PIBF1: variants seen among roughly 807,000 people sequenced by gnomAD.
The protein encoded by PIBF1 is progesterone-induced-blocking factor 1.
A neutral mutation model predicts 112.5 loss-of-function variants in PIBF1; 90 were observed. The observed-to-expected ratio is 0.80, with a 90% CI of 0.67 to 0.95. The LOEUF (loss-of-function observed/expected upper bound fraction) is 0.95. PIBF1 is among the 40% of genes least tolerant of loss of function. The pLI, the probability that PIBF1 is intolerant of heterozygous loss-of-function variation, is 0.00. For synonymous variants in PIBF1, 301 were observed against 288.6 expected (o/e 1.04, Z -0.44); for missense variants, 915 against 852.3 (o/e 1.07, Z -0.92).
intron 16 of PIBF1, among the ~76,000 whole-genome samples, chr13:72,987,899 T>G: frequency 7.2e-6 from 1 of 138,128 alleles, no homozygotes; most frequent in Non-Finnish European, 1.5e-5. Context: ...AGTCTCGCTC[T>G]GTCGCCAGAC....
chr13:73,014,251 C>G (rs1210673378), intron 17 of PIBF1, among the ~76,000 whole-genome samples: 2 of 152,008 alleles, frequency 1.3e-5, no homozygotes, highest in African/African-American at 4.8e-5. Flanking sequence ...GCCACAGCAC[C>G]CAGCTAAAAT....
chr13:72,820,856 G>A (rs1476359976), intron 5 of PIBF1, among the ~76,000 whole-genome samples: 2 of 152,088 alleles, frequency 1.3e-5, no homozygotes, highest in African/African-American at 2.4e-5. Context: ...ATTTAGTCCC[G>A]TCTGCTTCCC....
At chr13:72,956,980 G>C (rs1309507369) in intron 14 of PIBF1, among the ~76,000 whole-genome samples, 1 of 152,150 alleles carries the variant, frequency 6.6e-6, no homozygotes, top group African/African-American at 2.4e-5. Context: ...CCTCACTCCT[G>C]CAAGAATGGC....
intron 2 of PIBF1, among the ~76,000 whole-genome samples, chr13:72,784,016 T>A (rs2034453140): frequency 6.6e-6 from 1 of 152,200 alleles, no homozygotes; most frequent in South Asian, 2.1e-4. Flanking sequence ...ATGGTGGCTA[T>A]AGTTAATGAC....
intron 6 of PIBF1, among the ~76,000 whole-genome samples, chr13:72,823,525 G>A (rs17089781): frequency 0.028 from 4,235 of 151,996 alleles, 79 homozygotes; most frequent in Middle Eastern, 0.058. Flanking sequence ...TAAAAACATC[G>A]GTCATAAAAT....
At chr13:72,804,525 G>C (rs1482861256) in intron 5 of PIBF1, among the ~76,000 whole-genome samples, 1 of 152,162 alleles carries the variant, frequency 6.6e-6, no homozygotes, top group African/African-American at 2.4e-5. Flanking sequence ...TAGGTATAGG[G>C]CAGGACGCCT....
At chr13:73,003,261 T>A (rs946945918) in intron 17 of PIBF1, among the ~76,000 whole-genome samples, 9 of 151,978 alleles carry the variant, frequency 5.9e-5, no homozygotes, top group Non-Finnish European at 1.5e-5. Flanking sequence ...AAAAAATTTT[T>A]TTTTTTTTTG....
chr13:72,968,322 C>T (rs906651048), intron 15 of PIBF1, among the ~76,000 whole-genome samples: 9 of 151,070 alleles, frequency 6.0e-5, no homozygotes, highest in Admixed American at 4.0e-4. Flanking sequence ...TTCTTTGAGA[C>T]GGAGTTTCAC....
At chr13:72,963,975 C>T (rs1423739815) in intron 14 of PIBF1, among the ~76,000 whole-genome samples, 1 of 152,192 alleles carries the variant, frequency 6.6e-6, no homozygotes, top group African/African-American at 2.4e-5. Context: ...TTCTACTCCA[C>T]TTCTAGGTAG....
intron 4 of PIBF1, among the ~76,000 whole-genome samples, chr13:72,796,896 CTAG>C (rs1309579027): frequency 6.6e-6 from 1 of 151,914 alleles, no homozygotes; most frequent in Non-Finnish European, 1.5e-5. Flanking sequence ...TTGTTGAGGG[CTAG>C]TATTAAGATT....
rs181754566 is a variant in PIBF1, at chr13:72,817,679, T to C, written c.673-4170T>C. On this transcript the variant is annotated intron_variant, in intron 5 of 17. Transcript: ENST00000326291. ...TGTTGTGAAAAAATAGGATAAACTCTAGGTTATTGCTGGAGCTTAGTCTTC... is the reference window on the plus strand; with the variant it reads ...TGTTGTGAAAAAATAGGATAAACTCCAGGTTATTGCTGGAGCTTAGTCTTC... 1.2e-3 allele frequency among the ~76,000 whole-genome samples: 176 copies of C among 152,262 alleles called. 1 individual carries two copies. Among genetic ancestry groups the C allele is most frequent in the Non-Finnish European group, 1.2e-3 (84 of 68,014 alleles).
At chr13:72,864,196 C>T (rs2038826558) in intron 10 of PIBF1, among the ~76,000 whole-genome samples, 1 of 152,144 alleles carries the variant, frequency 6.6e-6, no homozygotes, top group Non-Finnish European at 1.5e-5. Flanking sequence ...CATAAATTAG[C>T]TTAAAAATCA....
intron 16 of PIBF1, among the ~76,000 whole-genome samples, chr13:72,980,113 A>G (rs980380247): frequency 3.3e-5 from 5 of 152,150 alleles, no homozygotes; most frequent in African/African-American, 9.7e-5. Flanking sequence ...ATCTAAGTGG[A>G]TATATACACT....
Position 72,871,394 on chromosome 13 carries a change from C to T in PIBF1, c.1322+17239C>T, listed in dbSNP as rs554262167. ...AATCTTGGCTCACTGCAACCTCCAC[C>T]TCCCGGGTTCGAGCAATTCTCCTGC... On this transcript the variant is annotated intron_variant, in intron 10 of 17. Transcript: ENST00000326291. 2.0e-5 allele frequency among the ~76,000 whole-genome samples: 3 copies of T among 152,228 alleles called. No homozygotes were observed. In the South Asian group the frequency reaches 6.2e-4, roughly 32 times the overall value.
intron 5 of PIBF1, among the ~76,000 whole-genome samples, chr13:72,818,081 CTATG>C (rs979983509): frequency 1.3e-5 from 2 of 151,916 alleles, no homozygotes; most frequent in African/African-American, 4.8e-5. Flanking sequence ...TATATATACA[CTATG>C]TATATAACAT....
At chr13:72,924,840 A>G (rs1471625015) in intron 13 of PIBF1, among the ~76,000 whole-genome samples, 1 of 152,246 alleles carries the variant, frequency 6.6e-6, no homozygotes. Flanking sequence ...ATTAACATAC[A>G]TGAAAGAATA....
chr13:72,950,341 A>G (rs2042263530), intron 14 of PIBF1, among the ~76,000 whole-genome samples: 1 of 152,202 alleles, frequency 6.6e-6, no homozygotes, highest in African/African-American at 2.4e-5. Flanking sequence ...CTCCAATTCA[A>G]TAGTGATTTC....
intron 15 of PIBF1, among the ~76,000 whole-genome samples, chr13:72,967,276 C>T (rs12865050): frequency 2.0e-5 from 3 of 152,098 alleles, no homozygotes; most frequent in Non-Finnish European, 4.4e-5. Context: ...ACCATTATTT[C>T]TTGTGATGAG....
At chr13:73,007,162 C>T (rs1350570812) in intron 17 of PIBF1, among the ~76,000 whole-genome samples, 2 of 151,532 alleles carry the variant, frequency 1.3e-5, no homozygotes, top group African/African-American at 4.8e-5. Flanking sequence ...AGCAGAATGT[C>T]AAATTTTGTC....
Sources: allele counts gnomAD v4.1 joint callset (sites outside exome capture counted in the v4.1 genomes callset), GRCh38; gene constraint gnomAD v4.1.1; transcripts MANE v1.5; gene names NCBI Gene and HGNC (gene_info 2026-07-23, HGNC 2026-07-21).